Variants in CDH13 observed in about 807,000 individuals in gnomAD.
The protein encoded by CDH13 is cadherin 13.
CDH13 carries 24 observed loss-of-function variants against 63.8 expected under a neutral mutation model. The ratio of observed to expected loss-of-function variants is 0.38; its 90% CI spans 0.27 to 0.53. The LOEUF is 0.53. Among genes scored for constraint, CDH13 ranks in the 20% least tolerant of loss-of-function variants. The pLI is 0.85. For missense variants in CDH13, 1,049 were observed against 903.1 expected, an observed-to-expected ratio of 1.16 and a Z score of -2.07; for synonymous variants, 503 against 355.3, an observed-to-expected ratio of 1.42 and a Z score of -4.67.
At chr16:83,569,516 C>T (rs1177842963) in intron 7 of CDH13, among the ~76,000 whole-genome samples, 2 of 152,172 alleles carry the variant, frequency 1.3e-5, no homozygotes, top group African/African-American at 2.4e-5. Context: ...TAAAATAATA[C>T]ATCTAGTAAA....
chr16:83,755,324 C>G (rs1213427412), intron 11 of CDH13, among the ~76,000 whole-genome samples: 1 of 152,030 alleles, frequency 6.6e-6, no homozygotes, highest in East Asian at 1.9e-4. Flanking sequence ...TGCCAAAAGA[C>G]TAGTGTGTGG....
At chr16:83,508,137 AAG>A (rs2074462377) in intron 7 of CDH13, among the ~76,000 whole-genome samples, 1 of 81,982 alleles carries the variant, frequency 1.2e-5, no homozygotes, top group Non-Finnish European at 2.3e-5. Flanking sequence ...AAGGAAAGGG[AAG>A]GGGAGGGGAG....
chr16:82,914,633 C>T (rs1191325157), intron 2 of CDH13, among the ~76,000 whole-genome samples: 7 of 152,126 alleles, frequency 4.6e-5, no homozygotes. Context: ...TCTTTTAAGG[C>T]AAATCCTGCT....
At chr16:83,214,306 G>A (rs1246031459) in intron 4 of CDH13, among the ~76,000 whole-genome samples, 2 of 151,976 alleles carry the variant, frequency 1.3e-5, no homozygotes, top group Admixed American at 6.6e-5. Flanking sequence ...TAGGCCGGAC[G>A]TGGTGGCTCA....
chr16:83,078,802 G>T (rs904800455), intron 3 of CDH13, among the ~76,000 whole-genome samples: 5 of 151,706 alleles, frequency 3.3e-5, no homozygotes, highest in Non-Finnish European at 4.4e-5. Flanking sequence ...TGGTTTTTTG[G>T]TTTTTTTTGA....
chr16:83,362,962 G>A (rs949377607), intron 6 of CDH13, among the ~76,000 whole-genome samples: 5 of 152,150 alleles, frequency 3.3e-5, no homozygotes, highest in Non-Finnish European at 5.9e-5. Flanking sequence ...CCCTGTCCAT[G>A]GGGTTTTTCC....
chr16:82,705,104 T>G, intron 1 of CDH13: 1 of 455,880 alleles, frequency 2.2e-6, no homozygotes, highest in Non-Finnish European at 4.4e-6. Flanking sequence ...AAACCTGCAA[T>G]TTATCAAAAA....
chr16:83,193,861 A>G (rs537900279), intron 4 of CDH13, among the ~76,000 whole-genome samples: 10 of 152,330 alleles, frequency 6.6e-5, no homozygotes, highest in African/African-American at 2.4e-4. Flanking sequence ...AACGATGCCT[A>G]TTTAGATTAT....
At chr16:83,782,444 AC>A (rs1915592719) in intron 12 of CDH13, among the ~76,000 whole-genome samples, 1 of 151,472 alleles carries the variant, frequency 6.6e-6, no homozygotes, top group African/African-American at 2.4e-5. Context: ...ATCAAAAAAA[AC>A]AAAAACAAGG....
intron 5 of CDH13, among the ~76,000 whole-genome samples, chr16:83,338,730 G>T (rs1211155087): frequency 6.6e-6 from 1 of 152,202 alleles, no homozygotes; most frequent in Non-Finnish European, 1.5e-5. Flanking sequence ...ATGGTTGGTA[G>T]GAGGGTTGTA....
At chr16:82,907,551 A>G (rs2041690762) in intron 2 of CDH13, among the ~76,000 whole-genome samples, 1 of 152,244 alleles carries the variant, frequency 6.6e-6, no homozygotes. Context: ...CTTTGAGAAG[A>G]GAAAAGCAAA....
At chr16:83,455,490 A>G in intron 6 of CDH13, among the ~76,000 whole-genome samples, 1 of 152,004 alleles carries the variant, frequency 6.6e-6, no homozygotes, top group Non-Finnish European at 1.5e-5. Context: ...ATTTTAGTGC[A>G]CCTTCTGGAT....
At chr16:83,204,956 T>C (rs550685417) in intron 4 of CDH13, among the ~76,000 whole-genome samples, 1 of 152,238 alleles carries the variant, frequency 6.6e-6, no homozygotes, top group Non-Finnish European at 1.5e-5. Context: ...TCACTTACAC[T>C]TCACTAGCTA....
intron 5 of CDH13, among the ~76,000 whole-genome samples, chr16:83,341,546 A>G (rs2090722772): frequency 6.6e-6 from 1 of 152,204 alleles, no homozygotes; most frequent in Admixed American, 6.5e-5. Context: ...CTCTGCATAA[A>G]ACACAAACAT....
intron 3 of CDH13, among the ~76,000 whole-genome samples, chr16:83,068,559 T>C (rs969110621): frequency 1.2e-4 from 18 of 152,222 alleles, no homozygotes; most frequent in Non-Finnish European, 1.8e-4. Flanking sequence ...TTAAACACTA[T>C]GGCCTGACCC....
intron 1 of CDH13, among the ~76,000 whole-genome samples, chr16:82,701,497 T>G (rs1425156885): frequency 6.6e-6 from 1 of 152,320 alleles, no homozygotes; most frequent in Admixed American, 6.5e-5. Context: ...AGGAGGTGTT[T>G]AGTAGATTGC....
chr16:82,966,975 C>T (rs1907933960), intron 2 of CDH13, among the ~76,000 whole-genome samples: 1 of 152,052 alleles, frequency 6.6e-6, no homozygotes, highest in Non-Finnish European at 1.5e-5. Flanking sequence ...AATATTTTGG[C>T]CCAGGATCTA....
intron 5 of CDH13, among the ~76,000 whole-genome samples, chr16:83,244,554 G>C (rs1314599502): frequency 6.6e-6 from 1 of 152,098 alleles, no homozygotes; most frequent in Non-Finnish European, 1.5e-5. Context: ...ACTAGTTCTT[G>C]CAAACTGTTG....
intron 2 of CDH13, among the ~76,000 whole-genome samples, chr16:83,029,229 T>G (rs1225067949): frequency 2.0e-5 from 3 of 152,176 alleles, no homozygotes; most frequent in Non-Finnish European, 2.9e-5. Context: ...TCAGTTTAGA[T>G]TTTCAGATAT....
Sources: gnomAD v4.1 joint callset for allele counts (sites outside exome capture counted in the v4.1 genomes callset) on GRCh38, gnomAD v4.1.1 for gene constraint, MANE v1.5 for transcripts, NCBI Gene and HGNC (gene_info 2026-07-23, HGNC 2026-07-21) for gene names.